The following ORC1 variants were observed in gnomAD, a reference collection of about 807,000 sequenced individuals.
ORC1 encodes the protein origin recognition complex, subunit 1 homolog.
Under a neutral mutation model 98.9 loss-of-function variants are expected in ORC1, and 61 were observed. The observed-to-expected ratio is 0.62, with a 90% CI of 0.50 to 0.76. ORC1 has a LOEUF of 0.76. ORC1 is among the 30% of genes least tolerant of loss of function. The pLI is 0.00. For missense variants in ORC1, 979 were observed against 1,072.2 expected, an observed-to-expected ratio of 0.91 and a Z score of 1.21; for synonymous variants, 385 against 406.9, an observed-to-expected ratio of 0.95 and a Z score of 0.65.
chr1:52,385,088 C>T (rs1329240942), intron 10 of ORC1, 73 bp downstream of exon 10: 36 of 955,358 alleles, frequency 3.8e-5, no homozygotes, highest in Non-Finnish European at 6.9e-6. Context: ...TATGGCTGAA[C>T]TGTAACACCC....
At chr1:52,406,838 CAG>C (rs1261575717), upstream of ORC1, among the ~76,000 whole-genome samples, 1 of 152,152 alleles carries the variant, frequency 6.6e-6, no homozygotes, top group African/African-American at 2.4e-5. Context: ...AACTGAGGCA[CAG>C]AGATTAATTA....
At chr1:52,382,539 C>CTAACA (rs961012050) in intron 13 of ORC1, among the ~76,000 whole-genome samples, 1 of 151,306 alleles carries the variant, frequency 6.6e-6, no homozygotes, top group Non-Finnish European at 1.5e-5. Flanking sequence ...TTCCAAGCAC[C>CTAACA]TAACACTGCC....
chr1:52,407,210 C>G (rs149863673), upstream of ORC1, among the ~76,000 whole-genome samples: 442 of 152,234 alleles, frequency 2.9e-3, 3 homozygotes, highest in Admixed American at 7.5e-3. Context: ...CTAGAGACGG[C>G]ATTTCACCGC....
intron 3 of ORC1, among the ~76,000 whole-genome samples, chr1:52,400,262 A>G (rs1282164853): frequency 6.6e-6 from 1 of 152,202 alleles, no homozygotes; most frequent in East Asian, 1.9e-4. Context: ...CTAACCCTGT[A>G]TATGCTATGA....
chr1:52,385,626 C>T (rs914842955), intron 9 of ORC1, among the ~76,000 whole-genome samples: 1 of 152,188 alleles, frequency 6.6e-6, no homozygotes, highest in Non-Finnish European at 1.5e-5. Flanking sequence ...TGGCAGTAGA[C>T]GGGAAGGCCA....
chr1:52,392,994 TCAC>T (rs770009005), intron 6 of ORC1, among the ~76,000 whole-genome samples: 2 of 151,964 alleles, frequency 1.3e-5, no homozygotes, highest in East Asian at 3.9e-4. Context: ...ACCTCAGAAA[TCAC>T]CACTTAAGAA....
chr1:52,400,522 C>T (rs1557586528), intron 3 of ORC1, among the ~76,000 whole-genome samples: 1 of 152,236 alleles, frequency 6.6e-6, no homozygotes, highest in East Asian at 1.9e-4. Flanking sequence ...TCTTTATCCA[C>T]TCAGTCTATC....
chr1:52,376,004 T>C (rs1474618359), intron 14 of ORC1, among the ~76,000 whole-genome samples: 1 of 152,174 alleles, frequency 6.6e-6, no homozygotes, highest in Non-Finnish European at 1.5e-5. Context: ...GATAAAGCCA[T>C]AGCCAGGCAC....
At chr1:52,397,138 A>G (rs982264473) in intron 4 of ORC1, among the ~76,000 whole-genome samples, 3 of 152,208 alleles carry the variant, frequency 2.0e-5, no homozygotes, top group African/African-American at 4.8e-5. Flanking sequence ...CTAACGCTCA[A>G]TGAACCACAT....
At chr1:52,384,780 TCA>T in intron 10 of ORC1, 59 bp from the exon 11 acceptor site, 2 of 1,441,056 alleles carry the variant, frequency 1.4e-6, no homozygotes, top group Non-Finnish European at 1.9e-6. Flanking sequence ...CACGTTATAA[TCA>T]GTTAGGAGTG....
Position 52,393,443 on chromosome 1 carries a change from C to T in ORC1, c.1082G>A (p.Arg361Lys), listed in dbSNP as rs913318852. 6.2e-7 allele frequency: 1 copy of T among 1,614,142 alleles called. No homozygotes were observed. The highest frequency in any genetic ancestry group is 8.5e-7 in the Non-Finnish European group (1 of 1,180,012). Residue 361 changes from arginine (R) to lysine (K), a missense_variant and splice_region_variant, in exon 6 of 17, where the codon AGG becomes AAG. By Grantham distance (26) the Arg-to-Lys change is conservative. Coordinates refer to ENST00000371568, the MANE Select transcript of ORC1 (RefSeq NM_004153.4). The part of the protein sequence containing the change: ...VILKPENIKK[R>K]DAKEAKAQNE... Reference sequence around the variant, plus strand: ...CTCTGTGGGTAATGTCCCTGGTCACCTCTTTTTGATGTTTTCTGGTTTCAG... The same window carrying T: ...CTCTGTGGGTAATGTCCCTGGTCACTTCTTTTTGATGTTTTCTGGTTTCAG...
At chr1:52,373,460 T>G in intron 16 of ORC1, 85 bp from the exon 17 acceptor site, 1 of 1,182,526 alleles carries the variant, frequency 8.5e-7, no homozygotes, top group Non-Finnish European at 1.2e-6. Flanking sequence ...TTTGGGAAAA[T>G]CAGACACATG....
rs1327946955 is a variant in ORC1, at chr1:52,382,748, T to C, written c.2013+672A>G. 3.9e-5 allele frequency among the ~76,000 whole-genome samples: 6 copies of C among 151,904 alleles called. No homozygotes were observed. The East Asian group carries it at 1.2e-3, about 30-fold the overall frequency. On this transcript the variant is annotated intron_variant, in intron 13 of 16. Transcript: ENST00000371568. ...GCATGCGTCACCACACCTGGCTAATTTTTGTCTGTTTAGTAGAGATGGGGT... is the reference window on the plus strand; with the variant it reads ...GCATGCGTCACCACACCTGGCTAATCTTTGTCTGTTTAGTAGAGATGGGGT...
chr1:52,382,764 G>A (rs1229974467), intron 13 of ORC1, among the ~76,000 whole-genome samples: 1 of 151,952 alleles, frequency 6.6e-6, no homozygotes, highest in African/African-American at 2.4e-5. Context: ...CTGTTTAGTA[G>A]AGATGGGGTT....
rs559871236 is a variant in ORC1, at chr1:52,373,952, A to C, written c.2392-577T>G. Among the ~76,000 whole-genome samples, 34 of 152,350 alleles carry C rather than the reference A, an allele frequency of 2.2e-4. 1 individual carries two copies. The highest frequency in any genetic ancestry group is 7.9e-4 in the African/African-American group (33 of 41,582). On this transcript the variant is annotated intron_variant, in intron 16 of 16. Transcript: ENST00000371568. ...CTACCCTAACGTTCTCTACTGGGTC[A>C]GCTAAATCTGGAGCATTTCTGGTCA...
chr1:52,408,828 C>T, upstream of ORC1: 1 of 1,109,746 alleles, frequency 9.0e-7, no homozygotes, highest in Admixed American at 2.4e-5. Context: ...GCAGGTTTTC[C>T]CTTGTCCCTC....
intron 10 of ORC1, 103 bp from the exon 11 acceptor site, chr1:52,384,824 C>A: frequency 9.3e-7 from 1 of 1,071,030 alleles, no homozygotes; most frequent in Non-Finnish European, 1.4e-6. Flanking sequence ...GGACCGAGAC[C>A]CTTGAAATGT....
intron 3 of ORC1, among the ~76,000 whole-genome samples, chr1:52,399,838 C>CA (rs1462820460): frequency 8.0e-5 from 12 of 150,784 alleles, no homozygotes; most frequent in Non-Finnish European, 1.5e-4. Flanking sequence ...CACACACACA[C>CA]AAGAATTACA....
At chr1:52,382,741 G>A (rs547833419) in intron 13 of ORC1, among the ~76,000 whole-genome samples, 6 of 152,016 alleles carry the variant, frequency 3.9e-5, no homozygotes, top group South Asian at 4.2e-4. Context: ...CACCACACCT[G>A]GCTAATTTTT....
Sources: gnomAD v4.1 joint callset for allele counts (sites outside exome capture counted in the v4.1 genomes callset) on GRCh38, gnomAD v4.1.1 for gene constraint, MANE v1.5 for transcripts, NCBI Gene and HGNC (gene_info 2026-07-23, HGNC 2026-07-21) for gene names.